Variants in SOX6 observed in about 807,000 individuals in gnomAD.
SOX6 encodes SRY-box transcription factor 6.
SOX6 carries 11 observed loss-of-function variants against 97.8 expected under a neutral mutation model. The observed-to-expected ratio is 0.11, with a 90% confidence interval of 0.07 to 0.19. SOX6 has a LOEUF of 0.19. Among genes scored for constraint, SOX6 ranks in the 10% least tolerant of loss-of-function variants. SOX6 has a pLI of 1.00. For missense variants in SOX6, 810 were observed against 1,039.5 expected, an observed-to-expected ratio of 0.78 and a Z score of 3.04; for synonymous variants, 360 against 371.4, an observed-to-expected ratio of 0.97 and a Z score of 0.35.
chr11:16,377,212 G>C (rs748826829), intron 1 of SOX6, among the ~76,000 whole-genome samples: 13 of 152,084 alleles, frequency 8.5e-5, no homozygotes, highest in Non-Finnish European at 1.6e-4. Context: ...AGACTGAAAA[G>C]TGATTAAGTA....
At chr11:16,699,928 T>A (rs1248040990) in intron 3 of SOX6, among the ~76,000 whole-genome samples, 1 of 152,064 alleles carries the variant, frequency 6.6e-6, no homozygotes, top group South Asian at 2.1e-4. Flanking sequence ...ACCCACTGAG[T>A]GCAAAACAAG....
intron 6 of SOX6, among the ~76,000 whole-genome samples, chr11:16,120,880 A>C (rs994077140): frequency 6.6e-6 from 1 of 152,186 alleles, no homozygotes; most frequent in Admixed American, 6.5e-5. Flanking sequence ...ACTCTCTTCC[A>C]TAGTTACAGA....
intron 1 of SOX6, among the ~76,000 whole-genome samples, chr11:16,407,162 T>C (rs1858703176): frequency 1.3e-5 from 2 of 152,172 alleles, no homozygotes; most frequent in South Asian, 4.1e-4. Flanking sequence ...TTTTGTTCAT[T>C]ACTATATCTT....
Position 16,321,072 on chromosome 11 carries a change from T to C in SOX6, c.238-2419A>G, listed in dbSNP as rs72869975. On this transcript the variant is annotated intron_variant, in intron 2 of 15. Transcript: ENST00000683767. ...CAGTCATGGCTAGTATGTGGCTCCT[T>C]GGAATGTCCAGTTCATTCTCCACTT... Among the ~76,000 whole-genome samples the C allele has an allele frequency of 8.1e-3, 1,236 of 152,214 alleles. 9 individuals carry two copies. The highest frequency in any genetic ancestry group is 0.015 in the Non-Finnish European group (1,016 of 68,012).
At chr11:16,484,477 C>G (rs561929366) in intron 4 of SOX6, 4 of 810,140 alleles carry the variant, frequency 4.9e-6, no homozygotes, top group Non-Finnish European at 8.9e-6. Flanking sequence ...TCACCACCTG[C>G]TCCCTGAGCT....
chr11:16,355,102 A>G (rs1213228506), intron 1 of SOX6, among the ~76,000 whole-genome samples: 4 of 151,986 alleles, frequency 2.6e-5, no homozygotes, highest in Non-Finnish European at 4.4e-5. Flanking sequence ...CAAAATAGGT[A>G]TTATTAACTG....
intron 1 of SOX6, among the ~76,000 whole-genome samples, chr11:16,442,010 C>T (rs1859512829): frequency 6.6e-6 from 1 of 152,224 alleles, no homozygotes; most frequent in South Asian, 2.1e-4. Flanking sequence ...AGATCTCACA[C>T]TCCCAGGTCA....
At chr11:16,124,305 A>AAAAATG (rs771508439) in intron 6 of SOX6, among the ~76,000 whole-genome samples, 4 of 152,100 alleles carry the variant, frequency 2.6e-5, no homozygotes, top group Non-Finnish European at 5.9e-5. Context: ...ACATACAAAA[A>AAAAATG]TACATATATA....
intron 3 of SOX6, among the ~76,000 whole-genome samples, chr11:16,237,789 C>A (rs1853069370): frequency 1.3e-5 from 2 of 151,920 alleles, no homozygotes; most frequent in Admixed American, 1.3e-4. Context: ...AATGCTGCCA[C>A]CATCCTCAAA....
chr11:16,534,712 C>T (rs1052970851), intron 4 of SOX6, among the ~76,000 whole-genome samples: 4 of 152,066 alleles, frequency 2.6e-5, no homozygotes, highest in South Asian at 4.1e-4. Context: ...ACAAACTGTC[C>T]TCCTGACCCT....
At position 16,007,887 on chromosome 11, in the gene SOX6, C is replaced by A. The variant is rs143588275; in HGVS notation, c.1732+7055G>T. Among the ~76,000 whole-genome samples the A allele has an allele frequency of 1.9e-3, 282 of 152,224 alleles. 1 individual carries two copies. Among genetic ancestry groups the A allele is most frequent in the African/African-American group, 6.6e-3 (275 of 41,556 alleles). On this transcript the variant is annotated intron_variant, in intron 13 of 15. Transcript: ENST00000683767. Reference sequence around the variant, plus strand: ...CAGTCCCATCGGGAACATATGCTAGCTATCCTTGTCTTGGGTTTAATTTTC... The same window carrying A: ...CAGTCCCATCGGGAACATATGCTAGATATCCTTGTCTTGGGTTTAATTTTC...
intron 3 of SOX6, among the ~76,000 whole-genome samples, chr11:16,267,743 C>T (rs1854123586): frequency 6.6e-6 from 1 of 151,510 alleles, no homozygotes; most frequent in African/African-American, 2.4e-5. Context: ...TGTCTGCATG[C>T]CTATGTTCAC....
chr11:16,335,150 C>T (rs1401197369), intron 2 of SOX6, among the ~76,000 whole-genome samples: 3 of 152,112 alleles, frequency 2.0e-5, no homozygotes, highest in Admixed American at 1.3e-4. Context: ...AGAGATAGTA[C>T]CGTATGCAAA....
At chr11:16,513,368 C>T (rs1475211046) in intron 4 of SOX6, among the ~76,000 whole-genome samples, 2 of 152,212 alleles carry the variant, frequency 1.3e-5, no homozygotes, top group Admixed American at 1.3e-4. Flanking sequence ...CACAGTGGCT[C>T]AGGCCTGTAA....
intron 3 of SOX6, among the ~76,000 whole-genome samples, chr11:16,651,231 A>C (rs1004836435): frequency 1.3e-5 from 2 of 151,982 alleles, no homozygotes; most frequent in Non-Finnish European, 2.9e-5. Context: ...AACTATTCCC[A>C]AAAAAATACA....
chr11:16,451,342 A>G (rs1264253301), intron 1 of SOX6, among the ~76,000 whole-genome samples: 2 of 152,186 alleles, frequency 1.3e-5, no homozygotes, highest in Non-Finnish European at 2.9e-5. Context: ...TCATGAAGTC[A>G]GAGGGTTGTC....
At position 16,417,800 on chromosome 11, in the gene SOX6, G is replaced by C. The variant is rs906625558; in HGVS notation, c.-5+58515C>G. On this transcript the variant is annotated intron_variant, in intron 1 of 15. Transcript: ENST00000396356. ...TGCAAAACAATTACTATTTGAATTTGTTTTCAATTTCTTCATGCAAAGTGA... is the reference window on the plus strand; with the variant it reads ...TGCAAAACAATTACTATTTGAATTTCTTTTCAATTTCTTCATGCAAAGTGA... Among the ~76,000 whole-genome samples, 3 of 152,164 alleles carry C rather than the reference G, an allele frequency of 2.0e-5. No individual in the cohort carries two copies. In the East Asian group the frequency reaches 5.8e-4, roughly 29 times the overall value.
intron 1 of SOX6, among the ~76,000 whole-genome samples, chr11:16,421,783 A>T (rs943071917): frequency 2.0e-4 from 30 of 152,350 alleles, no homozygotes; most frequent in Middle Eastern, 6.8e-3. Context: ...GAATGAAGGA[A>T]CTTTACAAAG....
intron 4 of SOX6, among the ~76,000 whole-genome samples, chr11:16,196,656 C>T (rs1851780106): frequency 6.6e-6 from 1 of 151,712 alleles, no homozygotes; most frequent in South Asian, 2.1e-4. Flanking sequence ...CACTGTCATA[C>T]TCTTTTTTTT....
Sources: gnomAD v4.1 joint callset for allele counts (sites outside exome capture counted in the v4.1 genomes callset) on GRCh38, gnomAD v4.1.1 for gene constraint, MANE v1.5 for transcripts, NCBI Gene and HGNC (gene_info 2026-07-23, HGNC 2026-07-21) for gene names.